CCDC138: variants seen among roughly 807,000 people sequenced by gnomAD.
CCDC138 encodes coiled-coil domain containing 138.
CCDC138 carries 66 observed loss-of-function variants against 82.3 expected under a neutral mutation model. The ratio of observed to expected loss-of-function variants is 0.80; its 90% CI spans 0.66 to 0.98. The LOEUF (loss-of-function observed/expected upper bound fraction) is 0.98. CCDC138 is among the 50% of genes least tolerant of loss of function. The pLI, the probability that CCDC138 is intolerant of heterozygous loss-of-function variation, is 0.00. For synonymous variants in CCDC138, 297 were observed against 265.4 expected (o/e 1.12, Z -1.16); for missense variants, 816 against 758.9 (o/e 1.08, Z -0.88).
intron 13 of CCDC138, among the ~76,000 whole-genome samples, chr2:108,866,236 C>T (rs1694391713): frequency 6.6e-6 from 1 of 152,158 alleles, no homozygotes. Flanking sequence ...TGATGTCATC[C>T]CTTCTGCCTC....
intron 5 of CCDC138, among the ~76,000 whole-genome samples, chr2:108,798,217 C>T (rs1443659953): frequency 1.3e-5 from 2 of 152,114 alleles, no homozygotes; most frequent in African/African-American, 4.8e-5. Context: ...ACAGTGGACT[C>T]TTACTATAGT....
In CCDC138 at chr2:108,791,815, T is replaced by C. The variant is rs972371084; in HGVS notation, c.394+13T>C. ...GAAATAGAAAAAGGTAAAATAAATA[T>C]TTTAGAACAATCAATTCAGTAGTAA... On this transcript the variant is annotated intron_variant, in intron 4 of 14. Coordinates refer to ENST00000295124, the MANE Select transcript of CCDC138 (RefSeq NM_144978.3). 3 of 1,567,828 alleles carry C rather than the reference T, an allele frequency of 1.9e-6. No individual in the cohort carries two copies. Among genetic ancestry groups the C allele is most frequent in the South Asian group, 2.3e-5 (2 of 85,592 alleles).
chr2:108,865,250 T>C (rs556354372), intron 13 of CCDC138, among the ~76,000 whole-genome samples: 7 of 152,204 alleles, frequency 4.6e-5, no homozygotes, highest in Non-Finnish European at 1.0e-4. Flanking sequence ...GATTGATGGA[T>C]ATTTTGGCTG....
At chr2:108,857,766 T>TA (rs1692865125) in intron 13 of CCDC138, among the ~76,000 whole-genome samples, 1 of 152,214 alleles carries the variant, frequency 6.6e-6, no homozygotes, top group Non-Finnish European at 1.5e-5. Flanking sequence ...GATCCAGTAT[T>TA]ACTTAAGTGC....
At chr2:108,824,497 C>T (rs1272642908) in intron 10 of CCDC138, among the ~76,000 whole-genome samples, 2 of 152,114 alleles carry the variant, frequency 1.3e-5, no homozygotes, top group African/African-American at 4.8e-5. Flanking sequence ...GGAAGGTCTT[C>T]GGGGCAATAA....
chr2:108,855,184 A>C (rs1468427981), intron 12 of CCDC138, among the ~76,000 whole-genome samples: 1 of 152,224 alleles, frequency 6.6e-6, no homozygotes, highest in African/African-American at 2.4e-5. Flanking sequence ...AAATGAAGAC[A>C]AAATGAGGAC....
At chr2:108,802,600 TCCTAACTG>T (rs2149631501) in intron 6 of CCDC138, among the ~76,000 whole-genome samples, 1 of 141,630 alleles carries the variant, frequency 7.1e-6, no homozygotes, top group East Asian at 2.1e-4. Context: ...CTTCCTCTTT[TCCTAACTG>T]AATACCTTTT....
At chr2:108,860,343 A>G (rs1007001103) in intron 13 of CCDC138, among the ~76,000 whole-genome samples, 4 of 152,056 alleles carry the variant, frequency 2.6e-5, no homozygotes, top group Admixed American at 6.5e-5. Flanking sequence ...CTCTTGGCCA[A>G]TTGCTCTTGC....
At chr2:108,827,144 A>G (rs1459814402) in intron 10 of CCDC138, among the ~76,000 whole-genome samples, 3 of 152,190 alleles carry the variant, frequency 2.0e-5, no homozygotes, top group Non-Finnish European at 4.4e-5. Flanking sequence ...CAAAATGATG[A>G]GAATTTGGAA....
intron 13 of CCDC138, among the ~76,000 whole-genome samples, chr2:108,860,954 T>G (rs1351395333): frequency 6.9e-6 from 1 of 144,996 alleles, no homozygotes; most frequent in African/African-American, 2.5e-5. Context: ...TTTTTTTTTT[T>G]TTTTGGTTGG....
intron 10 of CCDC138, among the ~76,000 whole-genome samples, chr2:108,826,581 C>T (rs980086561): frequency 2.0e-5 from 3 of 152,148 alleles, no homozygotes; most frequent in African/African-American, 7.2e-5. Context: ...GGGTCCATAT[C>T]TGGATTCTCA....
At chr2:108,860,248 G>T (rs1381851991) in intron 13 of CCDC138, among the ~76,000 whole-genome samples, 5 of 152,064 alleles carry the variant, frequency 3.3e-5, no homozygotes, top group African/African-American at 7.2e-5. Flanking sequence ...CTTTTGGCAA[G>T]ATCTTTAGGG....
chr2:108,885,211 T>A (rs1306643323), exon 3 of CCDC138: 1 of 152,220 alleles, frequency 6.6e-6, no homozygotes, highest in African/African-American at 2.4e-5. Flanking sequence ...TGCAGAACTT[T>A]AAAACATTTG....
chr2:108,840,013 C>T (rs535044431), intron 11 of CCDC138, among the ~76,000 whole-genome samples: 27 of 152,090 alleles, frequency 1.8e-4, no homozygotes, highest in Admixed American at 4.6e-4. Flanking sequence ...TTCATAGATA[C>T]TTTCAATCAA....
intron 6 of CCDC138, among the ~76,000 whole-genome samples, chr2:108,799,787 T>G (rs1005845061): frequency 1.3e-5 from 2 of 152,178 alleles, no homozygotes; most frequent in Non-Finnish European, 2.9e-5. Flanking sequence ...CAAAGATTTC[T>G]GAGGCTCCAT....
At chr2:108,873,089 T>C (rs1164569234) in intron 13 of CCDC138, among the ~76,000 whole-genome samples, 1 of 152,218 alleles carries the variant, frequency 6.6e-6, no homozygotes, top group Non-Finnish European at 1.5e-5. Flanking sequence ...TTTGTTTTTT[T>C]AATTTACTAC....
At chr2:108,883,128 A>G (rs986831493) in intron 2 of CCDC138, 2 of 152,182 alleles carry the variant, frequency 1.3e-5, no homozygotes, top group African/African-American at 4.8e-5. Context: ...AAGCCTTTAG[A>G]TATGTGTAGA....
Position 108,804,878 on chromosome 2 carries a change from TCTC to T in CCDC138, c.736-5_736-3del, listed in dbSNP as rs147074070. The T allele has an allele frequency of 0.061, 91,138 of 1,499,470 alleles. 2,778 individuals carry two copies. Among genetic ancestry groups the T allele is most frequent in the South Asian group, 0.13 (9,396 of 70,546 alleles). 92.9% of individuals were successfully genotyped at this position (1,499,470 alleles called of 1,614,324 possible). ...AAGTTTTAGATGAGAGTTTTTTTTT[TCTC>T]CTCCTAGCAGCATGATGCAGAAGTT... On this transcript the variant is annotated splice_region_variant and splice_polypyrimidine_tract_variant and intron_variant, in intron 6 of 14. Transcript: ENST00000295124.
rs772446002 is a variant in CCDC138 at position 108,798,424 on chromosome 2, A to G, written c.577-4A>G. The G allele has an allele frequency of 8.1e-6, 13 of 1,602,036 alleles. No individual in the cohort carries two copies. Among genetic ancestry groups the G allele is most frequent in the Non-Finnish European group, 2.6e-6 (3 of 1,175,302 alleles). ...GAGCATTAAAGTCTGGCATTTTGAT[A>G]CAGTGTGAAACTGCAGCACAACAGA... On this transcript the variant is annotated splice_polypyrimidine_tract_variant and splice_region_variant and intron_variant, in intron 5 of 14. Transcript: ENST00000295124.
Sources: gnomAD v4.1 joint callset for allele counts (sites outside exome capture counted in the v4.1 genomes callset) on GRCh38, gnomAD v4.1.1 for gene constraint, MANE v1.5 for transcripts, NCBI Gene and HGNC (gene_info 2026-07-23, HGNC 2026-07-21) for gene names.